RIPOR2: variants seen among roughly 807,000 people sequenced by gnomAD.
RIPOR2 encodes the protein RHO family interacting cell polarization regulator 2.
RIPOR2 carries 39 observed loss-of-function variants against 114.5 expected under a neutral mutation model. That is an observed-to-expected ratio of 0.34 (90% CI 0.26 to 0.44). RIPOR2 has a LOEUF of 0.44. RIPOR2 is among the 20% of genes least tolerant of loss of function. RIPOR2 has a pLI of 1.00. For synonymous variants in RIPOR2, 445 were observed against 484.4 expected (o/e 0.92, Z 1.07); for missense variants, 1,007 against 1,255.1 (o/e 0.80, Z 2.99).
At chr6:24,837,944 C>G (rs1761263764) in intron 14 of RIPOR2, among the ~76,000 whole-genome samples, 1 of 152,118 alleles carries the variant, frequency 6.6e-6, no homozygotes, top group South Asian at 2.1e-4. Flanking sequence ...CATATTGTGC[C>G]AAGGTAAAGA....
chr6:24,953,918 A>C (rs984512201), intron 1 of RIPOR2, among the ~76,000 whole-genome samples: 2 of 152,180 alleles, frequency 1.3e-5, no homozygotes, highest in Admixed American at 1.3e-4. Flanking sequence ...ACGTTCATTA[A>C]ATTTGTCTGC....
At chr6:24,878,886 G>T (rs953260428) in intron 1 of RIPOR2, among the ~76,000 whole-genome samples, 1 of 141,532 alleles carries the variant, frequency 7.1e-6, no homozygotes, top group Non-Finnish European at 1.5e-5. Flanking sequence ...TGAATTAAAC[G>T]CTGGAGAGTA....
chr6:24,970,479 C>G (rs984900205), intron 1 of RIPOR2, among the ~76,000 whole-genome samples: 7 of 152,184 alleles, frequency 4.6e-5, no homozygotes, highest in African/African-American at 1.7e-4. Context: ...TTTTCAAATT[C>G]AAATTCCTGC....
chr6:24,830,172 G>T (rs372957931), intron 17 of RIPOR2, among the ~76,000 whole-genome samples: 5 of 152,042 alleles, frequency 3.3e-5, no homozygotes, highest in Admixed American at 1.3e-4. Flanking sequence ...TGTCATGTTG[G>T]CCAGGCTGGT....
chr6:24,976,828 C>T (rs1581901861), intron 1 of RIPOR2: 3 of 1,610,838 alleles, frequency 1.9e-6, no homozygotes, highest in Non-Finnish European at 2.5e-6. Flanking sequence ...TTTTCATCTG[C>T]ACTGCCAAGA....
intron 1 of RIPOR2, among the ~76,000 whole-genome samples, chr6:25,038,105 T>C (rs1210431993): frequency 6.6e-6 from 1 of 152,250 alleles, no homozygotes; most frequent in Non-Finnish European, 1.5e-5. Flanking sequence ...TAAGATTCAT[T>C]ATACTATTTT....
At chr6:24,926,536 C>T (rs1203821140) in intron 1 of RIPOR2, among the ~76,000 whole-genome samples, 1 of 152,132 alleles carries the variant, frequency 6.6e-6, no homozygotes, top group Admixed American at 6.5e-5. Flanking sequence ...GATCAGATAG[C>T]AATCAGGTTT....
At chr6:24,925,638 G>A (rs983314535) in intron 1 of RIPOR2, among the ~76,000 whole-genome samples, 2 of 151,858 alleles carry the variant, frequency 1.3e-5, no homozygotes, top group African/African-American at 4.8e-5. Flanking sequence ...GGAGGCGGAG[G>A]TTGCAGTGAA....
intron 1 of RIPOR2, among the ~76,000 whole-genome samples, chr6:24,931,080 C>T (rs1771354754): frequency 6.6e-6 from 1 of 152,158 alleles, no homozygotes; most frequent in African/African-American, 2.4e-5. Context: ...TAGTTTTGTA[C>T]ATAATATGAA....
chr6:24,875,416 A>G (rs1053986874), intron 2 of RIPOR2, among the ~76,000 whole-genome samples: 1 of 152,232 alleles, frequency 6.6e-6, no homozygotes, highest in African/African-American at 2.4e-5. Flanking sequence ...AATGTGCTTC[A>G]AAAAGGGGTG....
chr6:24,884,851 A>ACGAAGTGCTTTACAAAAGG (rs1766678506), intron 1 of RIPOR2, among the ~76,000 whole-genome samples: 1 of 152,224 alleles, frequency 6.6e-6, no homozygotes, highest in Non-Finnish European at 1.5e-5. Flanking sequence ...AGAGAAAACG[A>ACGAAGTGCTTTACAAAAGG]CGAAGTGCTT....
At chr6:25,018,048 A>G (rs1252915439) in intron 1 of RIPOR2, among the ~76,000 whole-genome samples, 1 of 152,250 alleles carries the variant, frequency 6.6e-6, no homozygotes, top group Non-Finnish European at 1.5e-5. Context: ...TAGGAAAGCC[A>G]TAGCATTGAG....
At chr6:24,900,542 G>A in intron 1 of RIPOR2, among the ~76,000 whole-genome samples, 1 of 152,118 alleles carries the variant, frequency 6.6e-6, no homozygotes, top group East Asian at 1.9e-4. Context: ...GGAGATGCTT[G>A]AGCCCAGGAG....
Position 24,849,788 on chromosome 6 carries a change from G to C in RIPOR2, c.1034+14C>G, listed in dbSNP as rs1762676454. 2 of 1,610,722 alleles carry C rather than the reference G, an allele frequency of 1.2e-6. No homozygotes were observed. On this transcript the variant is annotated intron_variant, in intron 11 of 21. Transcript: ENST00000643898. ...GATATTTCTATATGATGAAATAAAG[G>C]AAGAGGCACTTACTACCAGGTGATT...
At chr6:24,976,759 T>C in intron 1 of RIPOR2, 10 of 1,611,482 alleles carry the variant, frequency 6.2e-6, no homozygotes, top group African/African-American at 1.3e-5. Flanking sequence ...TCCTAAAGCA[T>C]ACAGGTCCTG....
upstream of RIPOR2, among the ~76,000 whole-genome samples, chr6:24,940,217 GA>G (rs141069342): frequency 0.011 from 1,653 of 151,580 alleles, 34 homozygotes; most frequent in African/African-American, 0.038. Context: ...TTGCTGTTTT[GA>G]AAAAAAATAC....
intron 5 of RIPOR2, among the ~76,000 whole-genome samples, chr6:24,870,054 A>T (rs1245873356): frequency 6.6e-6 from 1 of 152,204 alleles, no homozygotes; most frequent in Non-Finnish European, 1.5e-5. Flanking sequence ...CCGTATATAA[A>T]TTTTTTTAAA....
intron 1 of RIPOR2, among the ~76,000 whole-genome samples, chr6:24,962,323 A>G (rs1290805559): frequency 6.6e-6 from 1 of 152,230 alleles, no homozygotes; most frequent in African/African-American, 2.4e-5. Context: ...TACAGAAGAG[A>G]TAAGTAAAAA....
chr6:24,864,079 A>G (rs1259995121), intron 7 of RIPOR2, among the ~76,000 whole-genome samples: 1 of 152,208 alleles, frequency 6.6e-6, no homozygotes, highest in African/African-American at 2.4e-5. Context: ...AGGCGAGTGG[A>G]TCACCTGAGA....
Sources: gnomAD v4.1 joint callset for allele counts (sites outside exome capture counted in the v4.1 genomes callset) on GRCh38, gnomAD v4.1.1 for gene constraint, MANE v1.5 for transcripts, NCBI Gene and HGNC (gene_info 2026-07-23, HGNC 2026-07-21) for gene names.